SNX13: variants seen among roughly 807,000 people sequenced by gnomAD.
The protein encoded by SNX13 is sorting nexin-13.
In SNX13, 45 loss-of-function variants were observed where a neutral mutation model predicts 133.6. The observed-to-expected ratio is 0.34, with a 90% CI of 0.27 to 0.43. The LOEUF (loss-of-function observed/expected upper bound fraction) is 0.43. SNX13 is among the 20% of genes least tolerant of loss of function. SNX13 has a pLI of 1.00. For synonymous variants in SNX13, 414 were observed against 373.9 expected (o/e 1.11, Z -1.24); for missense variants, 1,032 against 1,145.1 (o/e 0.90, Z 1.43).
At chr7:17,925,423 T>C (rs546437467) in intron 1 of SNX13, among the ~76,000 whole-genome samples, 5 of 152,304 alleles carry the variant, frequency 3.3e-5, no homozygotes, top group East Asian at 3.9e-4. Context: ...ATATGAATTA[T>C]ATCTCAATAA....
intron 9 of SNX13, among the ~76,000 whole-genome samples, chr7:17,864,637 T>G (rs371414853): frequency 1.3e-5 from 2 of 151,892 alleles, no homozygotes; most frequent in South Asian, 2.1e-4. Flanking sequence ...GAAAAAAACA[T>G]GAATATCCAG....
chr7:17,833,076 C>T (rs1462877719), intron 15 of SNX13, among the ~76,000 whole-genome samples: 1 of 151,484 alleles, frequency 6.6e-6, no homozygotes, highest in Admixed American at 6.6e-5. Flanking sequence ...TCTTAAAATA[C>T]TTAAATCTTT....
chr7:17,839,147 T>A, intron 13 of SNX13, among the ~76,000 whole-genome samples: 1 of 149,464 alleles, frequency 6.7e-6, no homozygotes, highest in East Asian at 1.9e-4. Flanking sequence ...ATCTATACAA[T>A]CATATTACAT....
chr7:17,838,206 GAGTT>G (rs557249464), intron 13 of SNX13, among the ~76,000 whole-genome samples: 48 of 151,916 alleles, frequency 3.2e-4, no homozygotes, highest in Non-Finnish European at 6.6e-4. Context: ...ATTTCTTCTT[GAGTT>G]AGTGTGGCAA....
intron 9 of SNX13, among the ~76,000 whole-genome samples, chr7:17,852,355 AGAGT>A (rs1485414790): frequency 1.3e-5 from 2 of 151,984 alleles, no homozygotes; most frequent in Admixed American, 1.3e-4. Flanking sequence ...GTTGGGCGCC[AGAGT>A]GAGATTCCGT....
intron 8 of SNX13, among the ~76,000 whole-genome samples, chr7:17,869,171 T>G (rs1194674290): frequency 6.6e-6 from 1 of 152,132 alleles, no homozygotes; most frequent in African/African-American, 2.4e-5. Flanking sequence ...GAAATACTCA[T>G]GCCCTGTATC....
Position 17,857,690 on chromosome 7 carries a change from A to G in SNX13, c.838-6726T>C, listed in dbSNP as rs139293014. Among the ~76,000 whole-genome samples the G allele has an allele frequency of 7.2e-5, 11 of 152,192 alleles. No individual in the cohort carries two copies. In the East Asian group the frequency reaches 2.1e-3, roughly 29 times the overall value. On this transcript the variant is annotated intron_variant, in intron 9 of 25. Transcript: ENST00000428135. ...TCCCAGTTACTCGGGAGTCTGAGGCAGGGAGAATTGCTTGAACCTGGGAGG... is the reference window on the plus strand; with the variant it reads ...TCCCAGTTACTCGGGAGTCTGAGGCGGGGAGAATTGCTTGAACCTGGGAGG...
At chr7:17,903,938 G>C (rs541887304) in intron 1 of SNX13, among the ~76,000 whole-genome samples, 3 of 152,194 alleles carry the variant, frequency 2.0e-5, no homozygotes, top group Admixed American at 6.5e-5. Context: ...GTTTCAAAGG[G>C]TGTCTACTTA....
In SNX13 at chr7:17,875,680, T is replaced by C; in HGVS notation, c.551A>G (p.Asp184Gly). The change falls in exon 6 of 26, where the codon GAT (aspartate) becomes GGT (glycine). Residue 184 changes from aspartate to glycine, a missense_variant. Coordinates refer to ENST00000428135, the MANE Select transcript of SNX13 (RefSeq NM_015132.5). ...AATAAAGATATTACCTTTCACTTGA[T>C]CATCTTTCTCTGTTATTTTCTGTTG... ...KAQQKITEKD[D>G]QVKGTAEDLV... 5.0e-6 allele frequency: 8 copies of C among 1,609,738 alleles called. No homozygotes were observed. Among genetic ancestry groups the C allele is most frequent in the Non-Finnish European group, 6.8e-6 (8 of 1,177,510 alleles).
chr7:17,810,046 C>G (rs930244418), intron 20 of SNX13, among the ~76,000 whole-genome samples: 8 of 151,968 alleles, frequency 5.3e-5, no homozygotes, highest in Admixed American at 4.6e-4. Context: ...ACCCTAACAT[C>G]GCAATTAAAA....
chr7:17,850,318 A>T (rs1329904169), intron 11 of SNX13, 29 bp downstream of exon 11: 1 of 1,458,704 alleles, frequency 6.9e-7, no homozygotes, highest in Admixed American at 2.0e-5. Flanking sequence ...ATTTATAACT[A>T]AACGTTAATT....
At chr7:17,839,031 G>C (rs1789522609) in intron 13 of SNX13, among the ~76,000 whole-genome samples, 1 of 149,402 alleles carries the variant, frequency 6.7e-6, no homozygotes, top group Admixed American at 6.7e-5. Context: ...TATTAGATTA[G>C]AATTATTACA....
At chr7:17,934,071 T>C (rs953484694) in intron 1 of SNX13, among the ~76,000 whole-genome samples, 2 of 152,208 alleles carry the variant, frequency 1.3e-5, no homozygotes, top group Admixed American at 1.3e-4. Flanking sequence ...TATAATTTGT[T>C]GATAGACACA....
intron 25 of SNX13, 161 bp from the exon 26 acceptor site, chr7:17,794,453 A>G (rs2128281202): frequency 1.2e-6 from 1 of 805,926 alleles, no homozygotes; most frequent in South Asian, 2.0e-5. Context: ...CTTAATATGC[A>G]TCTTTGCATG....
rs1318358017 is a variant in SNX13 at position 17,792,980 on chromosome 7, T to C, written c.*1065A>G. The C allele has an allele frequency of 6.6e-6, 1 of 152,256 alleles. No individual in the cohort carries two copies. The highest frequency in any genetic ancestry group is 1.5e-5 in the Non-Finnish European group (1 of 67,844). 9.4% of individuals were successfully genotyped at this position (152,256 alleles called of 1,614,324 possible). A position where few individuals can be genotyped will look rare whatever the true frequency, so the allele number is the denominator to read the frequency against. ...AAATAAAAGCATATTTTTAAAAATA[T>C]TATAGTTCTTTTTTCATCATTTATT... On this transcript the variant is annotated 3_prime_UTR_variant, in exon 26 of 26. Transcript: ENST00000428135.
At chr7:17,913,200 T>C (rs1302399954) in intron 1 of SNX13, among the ~76,000 whole-genome samples, 19 of 152,146 alleles carry the variant, frequency 1.2e-4, no homozygotes, top group Admixed American at 1.2e-3. Context: ...GAAACACAAG[T>C]GTGGTGCCAG....
intron 9 of SNX13, among the ~76,000 whole-genome samples, chr7:17,863,403 C>T (rs1792982008): frequency 6.6e-6 from 1 of 152,128 alleles, no homozygotes; most frequent in South Asian, 2.1e-4. Context: ...AGTGTAACTC[C>T]AGCAAAGACT....
intron 1 of SNX13, among the ~76,000 whole-genome samples, chr7:17,912,871 T>A (rs1799144860): frequency 2.6e-5 from 4 of 152,088 alleles, no homozygotes; most frequent in Admixed American, 2.6e-4. Context: ...GTGGCGAGTG[T>A]GGAAAGCACC....
intron 1 of SNX13, among the ~76,000 whole-genome samples, chr7:17,936,053 G>A (rs928928521): frequency 4.6e-5 from 7 of 152,152 alleles, no homozygotes; most frequent in Non-Finnish European, 1.0e-4. Context: ...TTCTTGATAC[G>A]TAACTCATCA....
Sources: gnomAD v4.1 joint callset for allele counts (sites outside exome capture counted in the v4.1 genomes callset) on GRCh38, gnomAD v4.1.1 for gene constraint, MANE v1.5 for transcripts, NCBI Gene and HGNC (gene_info 2026-07-23, HGNC 2026-07-21) for gene names.